FYN: variants seen among roughly 807,000 people sequenced by gnomAD.
FYN encodes FYN proto-oncogene, Src family tyrosine kinase.
FYN carries 10 observed loss-of-function variants against 70.2 expected under a neutral mutation model. The ratio of observed to expected loss-of-function variants is 0.14; its 90% CI spans 0.09 to 0.24. FYN has a LOEUF of 0.24. FYN is among the 10% of genes least tolerant of loss of function. The pLI, the probability that FYN is intolerant of heterozygous loss-of-function variation, is 1.00. For missense variants in FYN, 319 were observed against 673.1 expected, an observed-to-expected ratio of 0.47 and a Z score of 5.82; for synonymous variants, 236 against 248.6, an observed-to-expected ratio of 0.95 and a Z score of 0.48.
At chr6:111,869,103 A>G (rs1044680594) in intron 1 of FYN, among the ~76,000 whole-genome samples, 2 of 152,246 alleles carry the variant, frequency 1.3e-5, no homozygotes, top group Non-Finnish European at 2.9e-5. Flanking sequence ...GATGGCTGGT[A>G]TGAATGGAAT....
intron 2 of FYN, among the ~76,000 whole-genome samples, chr6:111,808,265 C>G (rs1323074198): frequency 6.6e-6 from 1 of 152,186 alleles, no homozygotes; most frequent in African/African-American, 2.4e-5. Flanking sequence ...GTGGCACCCT[C>G]AAATTATCAC....
At chr6:111,790,904 A>C (rs963540521) in intron 2 of FYN, among the ~76,000 whole-genome samples, 3 of 152,230 alleles carry the variant, frequency 2.0e-5, no homozygotes, top group African/African-American at 4.8e-5. Flanking sequence ...TATTGAGAGA[A>C]ATTACAGAAG....
Position 111,719,852 on chromosome 6 carries a change from A to G in FYN, c.200T>C (p.Val67Ala). The G allele has an allele frequency of 6.2e-7, 1 of 1,614,118 alleles. No homozygotes were observed. Among genetic ancestry groups the G allele is most frequent in the Non-Finnish European group, 8.5e-7 (1 of 1,180,010 alleles). ...GGTCCCCGTATGAGACGAAGAGTTC[A>G]CACCTCCAAAGACGGTGAGTCCTTG... is the stretch of plus-strand genomic sequence containing the variant. ...GGQGLTVFGGVNSSSHTGTLR... is the reference protein window; with the variant it reads ...GGQGLTVFGGANSSSHTGTLR... Residue 67 changes from valine to alanine, a missense_variant, in exon 4 of 14, where the codon GTG becomes GCG. Val to Ala is a moderately conservative substitution (Grantham distance 64, BLOSUM62 0). Coordinates refer to ENST00000354650, the MANE Select transcript of FYN (RefSeq NM_002037.5).
intron 3 of FYN, among the ~76,000 whole-genome samples, chr6:111,732,906 C>T (rs1166308649): frequency 6.6e-6 from 1 of 152,122 alleles, no homozygotes; most frequent in Non-Finnish European, 1.5e-5. Flanking sequence ...CCGAAAGCAC[C>T]CACCACTGAC....
intron 2 of FYN, among the ~76,000 whole-genome samples, chr6:111,795,705 A>T (rs1333970773): frequency 6.6e-6 from 1 of 152,244 alleles, no homozygotes; most frequent in Non-Finnish European, 1.5e-5. Flanking sequence ...AGAAAAGAGT[A>T]CTGAACATAT....
In FYN at chr6:111,866,530, C is replaced by T. The variant is rs541803500; in HGVS notation, c.-123+6438G>A. Among the ~76,000 whole-genome samples the T allele has an allele frequency of 3.3e-5, 5 of 152,304 alleles. No individual in the cohort carries two copies. The South Asian group carries it at 1.0e-3, about 32-fold the overall frequency. ...CTAATTTTTGTATTTTTAGTAGAGACAAGGTTTCGCCGTGTTGGCCAGGCT... is the reference window on the plus strand; with the variant it reads ...CTAATTTTTGTATTTTTAGTAGAGATAAGGTTTCGCCGTGTTGGCCAGGCT... On this transcript the variant is annotated intron_variant, in intron 1 of 13. Transcript: ENST00000354650.
At chr6:111,787,435 T>G (rs1459939757) in intron 2 of FYN, among the ~76,000 whole-genome samples, 3 of 152,234 alleles carry the variant, frequency 2.0e-5, no homozygotes, top group Non-Finnish European at 4.4e-5. Flanking sequence ...ATCTCTGTTT[T>G]GGTACCAGTA....
At chr6:111,764,465 T>C (rs2128495865) in intron 3 of FYN, among the ~76,000 whole-genome samples, 1 of 152,218 alleles carries the variant, frequency 6.6e-6, no homozygotes, top group African/African-American at 2.4e-5. Context: ...TGAGAACTCC[T>C]GTGCCGGCAG....
intron 2 of FYN, among the ~76,000 whole-genome samples, chr6:111,828,937 G>C (rs1428551603): frequency 6.6e-6 from 1 of 152,192 alleles, no homozygotes; most frequent in East Asian, 1.9e-4. Context: ...ACATTAAACA[G>C]TCTTTGCAGT....
chr6:111,742,755 C>A (rs1030836022), intron 3 of FYN, among the ~76,000 whole-genome samples: 3 of 152,114 alleles, frequency 2.0e-5, no homozygotes, highest in African/African-American at 7.2e-5. Context: ...CATCTTATGT[C>A]AAAAGTAAAC....
chr6:111,832,950 C>T (rs773775622), intron 2 of FYN, among the ~76,000 whole-genome samples: 3 of 152,104 alleles, frequency 2.0e-5, no homozygotes, highest in Non-Finnish European at 4.4e-5. Context: ...TTCTGAGACT[C>T]CAGAGAACAT....
intron 3 of FYN, among the ~76,000 whole-genome samples, chr6:111,728,810 G>C (rs893207671): frequency 7.2e-5 from 11 of 152,128 alleles, no homozygotes; most frequent in African/African-American, 2.4e-4. Flanking sequence ...AAACATTCAT[G>C]CTCAAGTTTT....
At chr6:111,747,108 C>T (rs546377502) in intron 3 of FYN, among the ~76,000 whole-genome samples, 53 of 152,294 alleles carry the variant, frequency 3.5e-4, no homozygotes, top group Middle Eastern at 3.4e-3. Flanking sequence ...TTCCCTGTAA[C>T]TGTCAATACT....
Position 111,694,559 on chromosome 6 carries a change from C to T in FYN, c.1120-31G>A, listed in dbSNP as rs1387898875. The T allele has an allele frequency of 3.7e-6, 6 of 1,613,840 alleles. No individual in the cohort carries two copies. Among genetic ancestry groups the T allele is most frequent in the East Asian group, 2.2e-5 (1 of 44,884 alleles). ...GAAACCCAGGGAACAGGACATGTTA[C>T]ACCACGACCCAATGTACTTAGACAC... On this transcript the variant is annotated intron_variant, in intron 11 of 13. Transcript: ENST00000354650. This position sits in a 1 kb window ranked among gnomAD's most constrained non-coding sequence, Gnocchi z 5.0.
intron 3 of FYN, among the ~76,000 whole-genome samples, chr6:111,777,174 G>A (rs1018853380): frequency 1.3e-5 from 2 of 152,142 alleles, no homozygotes; most frequent in Non-Finnish European, 2.9e-5. Flanking sequence ...TTAGTTGACC[G>A]TCATTCTGTA....
intron 12 of FYN, among the ~76,000 whole-genome samples, chr6:111,681,466 T>C (rs527465567): frequency 1.3e-5 from 2 of 152,312 alleles, no homozygotes; most frequent in East Asian, 1.9e-4. Flanking sequence ...TGACCTAACT[T>C]GGTTCTTGCT....
At chr6:111,816,430 C>T (rs1320088213) in intron 2 of FYN, among the ~76,000 whole-genome samples, 1 of 152,118 alleles carries the variant, frequency 6.6e-6, no homozygotes, top group Admixed American at 6.5e-5. Flanking sequence ...CTGAAATAGA[C>T]AACCTCTCAC....
chr6:111,746,415 A>C (rs1802220037), intron 3 of FYN, among the ~76,000 whole-genome samples: 1 of 152,214 alleles, frequency 6.6e-6, no homozygotes, highest in Non-Finnish European at 1.5e-5. Flanking sequence ...TATAAAGGTA[A>C]TCATACAGTA....
At chr6:111,753,636 C>CA (rs79090425) in intron 3 of FYN, among the ~76,000 whole-genome samples, 2,279 of 132,578 alleles carry the variant, frequency 0.017, 18 homozygotes, top group Middle Eastern at 0.029. Flanking sequence ...GGGCCTAAAC[C>CA]AAAAAAAAAA....
Sources: gnomAD v4.1 joint callset for allele counts (sites outside exome capture counted in the v4.1 genomes callset) on GRCh38, gnomAD v4.1.1 for gene constraint, Gnocchi (gnomAD v3.1) non-coding constraint, MANE v1.5 for transcripts, NCBI Gene and HGNC (gene_info 2026-07-23, HGNC 2026-07-21) for gene names.